SUPT5H: variants seen among roughly 807,000 people sequenced by gnomAD.
SUPT5H encodes transcription elongation factor SPT5.
SUPT5H carries 24 observed loss-of-function variants against 142.5 expected under a neutral mutation model. The observed-to-expected ratio is 0.17, with a 90% confidence interval of 0.12 to 0.24. The LOEUF (loss-of-function observed/expected upper bound fraction) is 0.24. Ranked by LOEUF, SUPT5H falls within the 10% of genes least tolerant of loss-of-function variation. SUPT5H has a pLI of 1.00. For missense variants in SUPT5H, 893 were observed against 1,471.8 expected, an observed-to-expected ratio of 0.61 and a Z score of 6.43; for synonymous variants, 546 against 553.0, an observed-to-expected ratio of 0.99 and a Z score of 0.18.
rs756679591 is a variant in SUPT5H, at chr19:39,474,792, C to T, written c.3024+74C>T. The stretch of plus-strand genomic sequence containing the variant: ...CCCCCTAAACTGGAGACAGACCTGT[C>T]CCCAGATGGTGACAGCCCAGAGTGG... On this transcript the variant is annotated intron_variant, in intron 28 of 29. Coordinates refer to ENST00000432763, the MANE Select transcript of SUPT5H (RefSeq NM_001111020.3). This position sits in a 1 kb window ranked among gnomAD's most constrained non-coding sequence, Gnocchi z 6.5. 1.3e-6 allele frequency: 2 copies of T among 1,488,572 alleles called. No individual in the cohort carries two copies. The highest frequency in any genetic ancestry group is 1.3e-5 in the South Asian group (1 of 79,864). 92.2% of individuals were successfully genotyped at this position (1,488,572 alleles called of 1,614,324 possible).
At position 39,470,111 on chromosome 19, in the gene SUPT5H, T is replaced by C; in HGVS notation, c.1375-8T>C. On this transcript the variant is annotated splice_region_variant and splice_polypyrimidine_tract_variant and intron_variant, in intron 16 of 29. Coordinates refer to ENST00000432763, the MANE Select transcript of SUPT5H (RefSeq NM_001111020.3). This position sits in a 1 kb window ranked among gnomAD's most constrained non-coding sequence, Gnocchi z 5.8. ...ACCTGTTTGTTGTCCCCACACCCAA[T>C]CCCCCAGGACATGTTGGAGTTCCCA... is the stretch of plus-strand genomic sequence containing the variant. 6.2e-7 allele frequency: 1 copy of C among 1,611,602 alleles called. No homozygotes were observed. The highest frequency in any genetic ancestry group is 1.1e-5 in the South Asian group (1 of 90,864).
In SUPT5H at chr19:39,472,846, G is replaced by C; in HGVS notation, c.2072G>C (p.Ser691Thr). The C allele has an allele frequency of 6.2e-7, 1 of 1,613,762 alleles. No homozygotes were observed. The highest frequency in any genetic ancestry group is 8.5e-7 in the Non-Finnish European group (1 of 1,179,814). Residue 691 changes from serine to threonine, a missense_variant, in exon 22 of 30, where the codon AGT (serine) becomes ACT (threonine). By Grantham distance (58) the Ser-to-Thr change is moderately conservative. Around this residue, in one of 6 missense-constraint regions of SUPT5H, gnomAD observed 35 missense variants for 29.7 expected, o/e 1.18. Transcript: ENST00000432763. The surrounding 1 kb of genome is among the most constrained non-coding windows in gnomAD (Gnocchi z 4.2). ...RGGFGSPGGG[S>T]GGMSRGRGRR... ...GGCTTTGGTAGCCCAGGTGGCGGCA[G>C]TGGTGGCATGAGCAGGGGCCGGGGC...
intron 3 of SUPT5H, among the ~76,000 whole-genome samples, chr19:39,454,737 CA>C (rs1490052621): frequency 2.0e-5 from 3 of 152,150 alleles, no homozygotes; most frequent in African/African-American, 7.2e-5. Flanking sequence ...AATGAATGTG[CA>C]TGTTTTCCCT....
In SUPT5H at chr19:39,472,352, G is replaced by T; in HGVS notation, c.1951-57G>T. 1.9e-6 allele frequency: 3 copies of T among 1,554,856 alleles called. No homozygotes were observed. Among genetic ancestry groups the T allele is most frequent in the Non-Finnish European group, 2.7e-6 (3 of 1,128,082 alleles). ...CCTGCACGTGGGATGATGAGTTCCT[G>T]TGGTTTGTGGTTCCCCCATCCCCTG... On this transcript the variant is annotated intron_variant, in intron 20 of 29. Transcript: ENST00000432763. This position sits in a 1 kb window ranked among gnomAD's most constrained non-coding sequence, Gnocchi z 4.2.
intron 9 of SUPT5H, 62 bp from the exon 10 acceptor site, chr19:39,459,830 C>T (rs1482422256): frequency 6.4e-6 from 10 of 1,567,640 alleles, no homozygotes; most frequent in East Asian, 2.2e-5. Context: ...GTCTCCTTCC[C>T]CCTTTCCTGT....
intron 28 of SUPT5H, 78 bp from the exon 29 acceptor site, chr19:39,476,003 G>T: frequency 7.4e-7 from 1 of 1,355,344 alleles, no homozygotes. Context: ...TGAGCCCTGA[G>T]CCTGTGTCCC....
intron 13 of SUPT5H, 192 bp from the exon 14 acceptor site, chr19:39,468,564 A>G: frequency 1.7e-6 from 1 of 593,824 alleles, no homozygotes; most frequent in Non-Finnish European, 3.0e-6. Flanking sequence ...TGGGTGGAGG[A>G]GTGCAGGGAG....
In SUPT5H at chr19:39,466,004, G is replaced by T. The variant is rs1050716069; in HGVS notation, c.877-476G>T. On this transcript the variant is annotated intron_variant, in intron 11 of 29. Transcript: ENST00000432763. This position sits in a 1 kb window ranked among gnomAD's most constrained non-coding sequence, Gnocchi z 4.3. Reference sequence around the variant, plus strand: ...TTCGAGCATCATGTTGGTGCTCACAGGGTTTCCTATTTTTGAGCATTTTGG... The same window carrying T: ...TTCGAGCATCATGTTGGTGCTCACATGGTTTCCTATTTTTGAGCATTTTGG... Among the ~76,000 whole-genome samples, 8 of 152,188 alleles carry T rather than the reference G, an allele frequency of 5.3e-5. No individual in the cohort carries two copies. Among genetic ancestry groups the T allele is most frequent in the Admixed American group, 1.3e-4 (2 of 15,276 alleles).
At chr19:39,448,833 C>T (rs1455330065) in intron 2 of SUPT5H, among the ~76,000 whole-genome samples, 4 of 151,966 alleles carry the variant, frequency 2.6e-5, no homozygotes, top group East Asian at 3.9e-4. Flanking sequence ...TGGTGGCTCA[C>T]GCCTGTGATC....
Position 39,464,792 on chromosome 19 carries a change from C to T in SUPT5H, c.625-6C>T, listed in dbSNP as rs1281165880. ...TGTTTCCTCCTTCCACCGGCTCACCCTGCAGCCCCTGCAGATCAAGTCAGT... is the reference window on the plus strand; with the variant it reads ...TGTTTCCTCCTTCCACCGGCTCACCTTGCAGCCCCTGCAGATCAAGTCAGT... On this transcript the variant is annotated splice_region_variant and splice_polypyrimidine_tract_variant and intron_variant, in intron 10 of 29. Coordinates refer to ENST00000432763, the MANE Select transcript of SUPT5H (RefSeq NM_001111020.3). 1 of 1,596,100 alleles carries T rather than the reference C, an allele frequency of 6.3e-7. No individual in the cohort carries two copies.
At chr19:39,447,211 A>G (rs1213194846) in intron 2 of SUPT5H, among the ~76,000 whole-genome samples, 3 of 152,184 alleles carry the variant, frequency 2.0e-5, no homozygotes, top group African/African-American at 4.8e-5. Flanking sequence ...GATCAGAGTG[A>G]GTGCAACAAA....
Position 39,458,996 on chromosome 19 carries a change from G to A in SUPT5H, c.390-9G>A, listed in dbSNP as rs1404853893. 12 of 1,614,122 alleles carry A rather than the reference G, an allele frequency of 7.4e-6. No individual in the cohort carries two copies. Among genetic ancestry groups the A allele is most frequent in the Admixed American group, 6.7e-5 (4 of 60,010 alleles). ...TCAATTCGTGTTTGCTTCCCCACTCGTGCTCCAGGGACCAGCGAGAAGAAG... is the reference window on the plus strand; with the variant it reads ...TCAATTCGTGTTTGCTTCCCCACTCATGCTCCAGGGACCAGCGAGAAGAAG... On this transcript the variant is annotated splice_polypyrimidine_tract_variant and intron_variant, in intron 6 of 29. Transcript: ENST00000432763. The surrounding 1 kb of genome is among the most constrained non-coding windows in gnomAD (Gnocchi z 4.2).
chr19:39,466,714 C>A lies in SUPT5H; in HGVS notation c.1006C>A (p.Pro336Thr). The A allele has an allele frequency of 2.5e-6, 4 of 1,614,206 alleles. No homozygotes were observed. The highest frequency in any genetic ancestry group is 3.4e-6 in the Non-Finnish European group (4 of 1,180,044). Residue 336 changes from proline to threonine, a missense_variant, in exon 13 of 30, where the codon CCA (proline) becomes ACA (threonine). By Grantham distance (38) the Pro-to-Thr change is conservative. Coordinates refer to ENST00000432763, the MANE Select transcript of SUPT5H (RefSeq NM_001111020.3). This position sits in a 1 kb window ranked among gnomAD's most constrained non-coding sequence, Gnocchi z 4.3. ...CAAAAGGAAGAAGTTTAAGCGGCCT[C>A]CACAGAGGCTGTTTGATGCTGAGAA... is the stretch of plus-strand genomic sequence containing the variant. Reference protein sequence around the residue: ...FAKRKKFKRPPQRLFDAEKIR... With the variant: ...FAKRKKFKRPTQRLFDAEKIR...
At chr19:39,465,085 C>T in intron 11 of SUPT5H, 36 bp downstream of exon 11, 1 of 1,588,902 alleles carries the variant, frequency 6.3e-7, no homozygotes, top group Non-Finnish European at 8.6e-7. Context: ...GTCAGGGTCC[C>T]TCCATTCTGT....
chr19:39,473,254 G>T lies in SUPT5H; in HGVS notation c.2310G>T (p.Met770Ile). Residue 770 changes from methionine to isoleucine, a missense_variant, in exon 24 of 30, where the codon ATG becomes ATT. By Grantham distance (10) the Met-to-Ile change is conservative. Coordinates refer to ENST00000432763, the MANE Select transcript of SUPT5H (RefSeq NM_001111020.3). The surrounding 1 kb of genome is among the most constrained non-coding windows in gnomAD (Gnocchi z 5.8). The part of the protein sequence containing the change: ...GMTSTYGRTP[M>I]YGSQTPMYGS... ...CCTCGACCTATGGGAGGACGCCCAT[G>T]TATGGCTCCCAGACGCCCATGTATG... 6.2e-7 allele frequency: 1 copy of T among 1,613,732 alleles called. No individual in the cohort carries two copies. Among genetic ancestry groups the T allele is most frequent in the Admixed American group, 1.7e-5 (1 of 60,020 alleles).
chr19:39,464,262 A>G (rs984963680), intron 10 of SUPT5H, among the ~76,000 whole-genome samples: 4 of 152,142 alleles, frequency 2.6e-5, no homozygotes, highest in Admixed American at 2.0e-4. Context: ...TGGGATTACA[A>G]GCATGAGCCA....
rs1411719019 is a variant in SUPT5H, at chr19:39,473,173, G to A, written c.2259-30G>A. The A allele has an allele frequency of 6.2e-7, 1 of 1,610,778 alleles. No individual in the cohort carries two copies. The highest frequency in any genetic ancestry group is 1.7e-5 in the Admixed American group (1 of 59,994). ...GCTTGCTAGGCAGTGAGAGGGGTCT[G>A]CTCACCCCATTTGTTCTCTGCGTCC... On this transcript the variant is annotated intron_variant, in intron 23 of 29. Transcript: ENST00000432763. This position sits in a 1 kb window ranked among gnomAD's most constrained non-coding sequence, Gnocchi z 5.8.
Position 39,458,861 on chromosome 19 carries a change from G to A in SUPT5H, c.363G>A (p.Gly121=), listed in dbSNP as rs374529937. Residue 121 remains glycine, a synonymous_variant, in exon 6 of 30, where the codon GGG becomes GGA. Coordinates refer to ENST00000432763, the MANE Select transcript of SUPT5H (RefSeq NM_001111020.3). The surrounding 1 kb of genome is among the most constrained non-coding windows in gnomAD (Gnocchi z 4.2). ...TTGTCCTGGATGAAGATCGTTCTGG[G>A]GCTCGCCGCCTGCAAAACCTCTGGA... ...DNVVLDEDRS[G]ARRLQNLWRD... 1.2e-5 allele frequency: 19 copies of A among 1,613,588 alleles called. No individual in the cohort carries two copies. The highest frequency in any genetic ancestry group is 1.4e-5 in the Non-Finnish European group (17 of 1,179,786).
intron 2 of SUPT5H, among the ~76,000 whole-genome samples, chr19:39,452,770 G>A (rs1488769521): frequency 1.3e-5 from 2 of 152,054 alleles, no homozygotes; most frequent in Non-Finnish European, 2.9e-5. Flanking sequence ...CAGCATTTTC[G>A]GAGGCAGAGG....
Sources: gnomAD v4.1 joint callset for allele counts (sites outside exome capture counted in the v4.1 genomes callset) on GRCh38, gnomAD v4.1.1 for gene constraint, gnomAD v4.1.1 regional missense constraint, Gnocchi (gnomAD v3.1) non-coding constraint, MANE v1.5 for transcripts, NCBI Gene and HGNC (gene_info 2026-07-23, HGNC 2026-07-21) for gene names.